The following SPAG1 variants were observed in gnomAD, a reference collection of about 807,000 sequenced individuals.
SPAG1 encodes the protein sperm-associated antigen 1.
SPAG1 carries 69 observed loss-of-function variants against 100.5 expected under a neutral mutation model. The ratio of observed to expected loss-of-function variants is 0.69; its 90% CI spans 0.57 to 0.84. The LOEUF (loss-of-function observed/expected upper bound fraction) is 0.84, where lower values mean the gene tolerates loss of function less well. Among genes scored for constraint, SPAG1 ranks in the 40% least tolerant of loss-of-function variants. The pLI is 0.00. For synonymous variants in SPAG1, 336 were observed against 411.6 expected (o/e 0.82, Z 2.22); for missense variants, 955 against 1,133.1 (o/e 0.84, Z 2.26).
In SPAG1 at chr8:100,213,305, G is replaced by A; in HGVS notation, c.1312G>A (p.Gly438Ser). 2 of 1,237,676 alleles carry A rather than the reference G, an allele frequency of 1.6e-6. No individual in the cohort carries two copies. Among genetic ancestry groups the A allele is most frequent in the Non-Finnish European group, 2.0e-6 (2 of 992,132 alleles). 76.7% of individuals were successfully genotyped at this position (1,237,676 alleles called of 1,614,324 possible). The change falls in exon 11 of 19, where the codon GGC (glycine) becomes AGC (serine). Residue 438 changes from glycine (G) to serine (S), a missense_variant. Coordinates refer to ENST00000388798, the MANE Select transcript of SPAG1 (RefSeq NM_003114.5). ...AGGGATGHPGGGQGAENPAGL... is the reference protein window; with the variant it reads ...AGGGATGHPGSGQGAENPAGL... ...CGGCGGCGCCACCGGGCATCCGGGC[G>A]GCGGGCAGGGCGCGGAGAACCCTGC...
At chr8:100,171,450 G>A (rs1815845668) in intron 3 of SPAG1, among the ~76,000 whole-genome samples, 1 of 152,066 alleles carries the variant, frequency 6.6e-6, no homozygotes, top group Non-Finnish European at 1.5e-5. Context: ...TCAATTCATT[G>A]TTGACACTGT....
chr8:100,182,403 C>T (rs761873933), intron 4 of SPAG1, among the ~76,000 whole-genome samples: 6 of 152,196 alleles, frequency 3.9e-5, no homozygotes, highest in Non-Finnish European at 8.8e-5. Flanking sequence ...AAGAGTCACT[C>T]TCCTTTTCCT....
Position 100,184,734 on chromosome 8 carries a change from G to A in SPAG1, c.701+1G>A, listed in dbSNP as rs1223661999. On this transcript the variant is annotated splice_donor_variant, in intron 7 of 18. Transcript: ENST00000388798. LOFTEE classifies it high-confidence loss of function. Reference sequence around the variant, plus strand: ...AAGAAGCAGTGATGTATTATACCAGGTGAGCAGATGTTTGTTGGGGTTTAA... The same window carrying A: ...AAGAAGCAGTGATGTATTATACCAGATGAGCAGATGTTTGTTGGGGTTTAA... The A allele has an allele frequency of 6.5e-7, 1 of 1,541,816 alleles. No homozygotes were observed. Among genetic ancestry groups the A allele is most frequent in the South Asian group, 1.2e-5 (1 of 83,716 alleles).
chr8:100,215,775 C>T (rs1039372309), intron 12 of SPAG1, among the ~76,000 whole-genome samples: 3 of 152,186 alleles, frequency 2.0e-5, no homozygotes, highest in Admixed American at 1.3e-4. Flanking sequence ...CCACCCGCCT[C>T]GGCCTCCCAA....
At chr8:100,199,869 GCTAT>G (rs1377355229) in intron 10 of SPAG1, among the ~76,000 whole-genome samples, 1 of 151,210 alleles carries the variant, frequency 6.6e-6, no homozygotes, top group Non-Finnish European at 1.5e-5. Flanking sequence ...CATTCTGTGG[GCTAT>G]CTTTTAAGTT....
chr8:100,216,144 C>T (rs560556591), intron 12 of SPAG1, among the ~76,000 whole-genome samples: 1 of 152,206 alleles, frequency 6.6e-6, no homozygotes, highest in East Asian at 1.9e-4. Context: ...TTTCTTTACC[C>T]AGAGAGCCAG....
chr8:100,165,330 A>G, intron 2 of SPAG1: 1 of 507,914 alleles, frequency 2.0e-6, no homozygotes, highest in South Asian at 1.5e-5. Flanking sequence ...ATCATTGGTA[A>G]TAATTGCACT....
chr8:100,158,551 A>G (rs1815166263), upstream of SPAG1: 1 of 152,404 alleles, frequency 6.6e-6, no homozygotes, highest in South Asian at 2.1e-4. Flanking sequence ...GATGCAGGAA[A>G]GAGGGTGCCT....
intron 3 of SPAG1, among the ~76,000 whole-genome samples, chr8:100,171,799 A>G (rs1247427329): frequency 6.6e-6 from 1 of 152,252 alleles, no homozygotes; most frequent in African/African-American, 2.4e-5. Context: ...TCTGACCACC[A>G]TCACTCCATA....
At chr8:100,216,841 T>C (rs1818010671) in intron 12 of SPAG1, among the ~76,000 whole-genome samples, 1 of 152,140 alleles carries the variant, frequency 6.6e-6, no homozygotes, top group African/African-American at 2.4e-5. Context: ...ACAGATTGCA[T>C]ACATGTTAAA....
intron 15 of SPAG1, among the ~76,000 whole-genome samples, chr8:100,231,815 A>T (rs1184366945): frequency 1.3e-5 from 2 of 152,142 alleles, no homozygotes; most frequent in Non-Finnish European, 2.9e-5. Context: ...AAAAAAAATT[A>T]GCCAGGCGCA....
At chr8:100,167,261 C>CAT (rs1425867443) in intron 3 of SPAG1, among the ~76,000 whole-genome samples, 2 of 152,070 alleles carry the variant, frequency 1.3e-5, no homozygotes, top group African/African-American at 4.8e-5. Context: ...ATGGTAGTAC[C>CAT]ATAGTCCCTT....
chr8:100,186,185 C>A (rs1384630546), intron 7 of SPAG1, among the ~76,000 whole-genome samples: 1 of 151,042 alleles, frequency 6.6e-6, no homozygotes, highest in African/African-American at 2.4e-5. Context: ...CCCACCTCAG[C>A]CTCCTGAGAA....
intron 10 of SPAG1, among the ~76,000 whole-genome samples, chr8:100,210,751 C>T (rs1447872710): frequency 1.3e-5 from 2 of 151,866 alleles, no homozygotes; most frequent in East Asian, 1.9e-4. Context: ...AAACTAGTGG[C>T]CTCAAGCAAT....
intron 8 of SPAG1, among the ~76,000 whole-genome samples, chr8:100,191,115 A>T (rs983995475): frequency 6.6e-6 from 1 of 152,198 alleles, no homozygotes; most frequent in African/African-American, 2.4e-5. Flanking sequence ...GGGTTGAGGT[A>T]TGAAATCTCT....
chr8:100,212,980 C>T, intron 10 of SPAG1, 110 bp from the exon 11 acceptor site: 2 of 888,438 alleles, frequency 2.3e-6, no homozygotes, highest in East Asian at 3.6e-5. Context: ...CCCGAGCCGG[C>T]TTCCCTAGAG....
rs1027038772 is a variant in SPAG1 at position 100,162,661 on chromosome 8, G to A, written c.140+241G>A. On this transcript the variant is annotated intron_variant, in intron 2 of 18. Transcript: ENST00000388798. ...TTTCTTGCCTTCTCTACATTTTCTAGGAGAAGGTAAAGTAGCTGTGAAAGC... is the reference window on the plus strand; with the variant it reads ...TTTCTTGCCTTCTCTACATTTTCTAAGAGAAGGTAAAGTAGCTGTGAAAGC... 1.1e-4 allele frequency among the ~76,000 whole-genome samples: 16 copies of A among 152,142 alleles called. 1 individual carries two copies. The highest frequency in any genetic ancestry group is 2.1e-4 in the Non-Finnish European group (14 of 68,014).
intron 13 of SPAG1, among the ~76,000 whole-genome samples, chr8:100,222,433 C>T (rs1482035715): frequency 1.3e-5 from 2 of 152,192 alleles, no homozygotes; most frequent in Non-Finnish European, 2.9e-5. Flanking sequence ...CTCCAGTAGA[C>T]GTCCTCAATA....
intron 10 of SPAG1, among the ~76,000 whole-genome samples, chr8:100,207,362 G>A (rs1390731114): frequency 6.6e-6 from 1 of 152,178 alleles, no homozygotes; most frequent in Non-Finnish European, 1.5e-5. Flanking sequence ...CTGCACCGAT[G>A]GCCTCCTGGG....
Sources: gnomAD v4.1 joint callset for allele counts (sites outside exome capture counted in the v4.1 genomes callset) on GRCh38, gnomAD v4.1.1 for gene constraint, MANE v1.5 for transcripts, NCBI Gene and HGNC (gene_info 2026-07-23, HGNC 2026-07-21) for gene names.